Variants in ADGRV1 observed in about 807,000 individuals in gnomAD.
ADGRV1 encodes adhesion G protein-coupled receptor V1, also known as G-protein coupled receptor 98.
ADGRV1 carries 359 observed loss-of-function variants against 596.2 expected under a neutral mutation model. The ratio of observed to expected loss-of-function variants is 0.60; its 90% CI spans 0.55 to 0.66. The LOEUF is 0.66. ADGRV1 is among the 30% of genes least tolerant of loss of function. The pLI is 0.00. For synonymous variants in ADGRV1, 2,681 were observed against 2,679.2 expected (o/e 1.00, Z -0.02); for missense variants, 7,274 against 7,575.6 (o/e 0.96, Z 1.48).
At chr5:90,849,454 G>A (rs1342430037) in intron 79 of ADGRV1, among the ~76,000 whole-genome samples, 2 of 152,060 alleles carry the variant, frequency 1.3e-5, no homozygotes, top group Admixed American at 1.3e-4. Context: ...CAATGGCGGG[G>A]TCTCGGCTCA....
At chr5:90,937,651 G>T (rs888974398) in intron 83 of ADGRV1, among the ~76,000 whole-genome samples, 2 of 152,016 alleles carry the variant, frequency 1.3e-5, no homozygotes, top group African/African-American at 4.8e-5. Flanking sequence ...TAGAGACGGG[G>T]TTTCACCGTG....
At chr5:90,952,048 T>C (rs959396227) in intron 83 of ADGRV1, among the ~76,000 whole-genome samples, 1 of 152,220 alleles carries the variant, frequency 6.6e-6, no homozygotes, top group African/African-American at 2.4e-5. Context: ...TTTCTACAGA[T>C]GTAAAATAAA....
chr5:90,598,971 T>A (rs1761056398), intron 1 of ADGRV1, among the ~76,000 whole-genome samples: 1 of 151,918 alleles, frequency 6.6e-6, no homozygotes, highest in Admixed American at 6.5e-5. Context: ...GAAACACAGT[T>A]TGGGCTGCAT....
chr5:91,060,398 A>ATT (rs1554210690), intron 85 of ADGRV1, among the ~76,000 whole-genome samples: 1,426 of 60,484 alleles, frequency 0.024, 29 homozygotes, highest in African/African-American at 0.059. Context: ...ATATATATAT[A>ATT]TTTTTTTTTT....
intron 89 of ADGRV1, among the ~76,000 whole-genome samples, chr5:91,155,086 G>T (rs932863932): frequency 1.3e-5 from 2 of 152,146 alleles, no homozygotes; most frequent in Non-Finnish European, 2.9e-5. Flanking sequence ...GCTAGATATT[G>T]CTGAATCCTG....
intron 85 of ADGRV1, among the ~76,000 whole-genome samples, chr5:91,014,508 G>C (rs1458615339): frequency 1.3e-5 from 2 of 151,576 alleles, no homozygotes; most frequent in South Asian, 2.1e-4. Flanking sequence ...CAGGTCCTGG[G>C]AGTTTTTTTG....
At chr5:91,094,848 A>AT (rs2126604785) in intron 86 of ADGRV1, among the ~76,000 whole-genome samples, 1 of 152,302 alleles carries the variant, frequency 6.6e-6, no homozygotes, top group African/African-American at 2.4e-5. Flanking sequence ...GAAGATGCAG[A>AT]TTCAGAAAGA....
At chr5:91,005,540 T>A (rs559729415) in intron 85 of ADGRV1, among the ~76,000 whole-genome samples, 1 of 152,124 alleles carries the variant, frequency 6.6e-6, no homozygotes, top group South Asian at 2.1e-4. Flanking sequence ...AGGATTTCAC[T>A]GTGTTGCCCA....
Position 90,694,038 on chromosome 5 carries a change from A to G in ADGRV1, c.7282A>G (p.Asn2428Asp), listed in dbSNP as rs200130423. Reference protein sequence around the residue: ...VPDPLWRTWMNVSAVGEPLYT... With the variant: ...VPDPLWRTWMDVSAVGEPLYT... ...TGACCCACTTTGGAGAACTTGGATGAATGTCTCTGCCGTGGGGGAGCCCCT... is the reference window on the plus strand; with the variant it reads ...TGACCCACTTTGGAGAACTTGGATGGATGTCTCTGCCGTGGGGGAGCCCCT... The change falls in exon 33 of 90, where the codon AAT becomes GAT. Residue 2428 changes from asparagine (N) to aspartate (D), a missense_variant. Transcript: ENST00000405460. 3.7e-5 allele frequency: 60 copies of G among 1,613,770 alleles called. No individual in the cohort carries two copies. Among genetic ancestry groups the G allele is most frequent in the Non-Finnish European group, 4.8e-5 (57 of 1,179,808 alleles).
intron 1 of ADGRV1, among the ~76,000 whole-genome samples, chr5:90,595,188 CTG>C: frequency 1.4e-5 from 1 of 71,404 alleles, no homozygotes; most frequent in South Asian, 5.8e-4. Flanking sequence ...CCCTCCCGGA[CTG>C]GGCGGCTGGC....
At chr5:90,683,527 C>G in intron 27 of ADGRV1, 59 bp from the exon 28 acceptor site, 4 of 1,326,114 alleles carry the variant, frequency 3.0e-6, no homozygotes, top group Non-Finnish European at 4.1e-6. Context: ...ATTTATAAGC[C>G]TCTAAGTAAC....
Position 91,150,137 on chromosome 5 carries a change from CT to C in ADGRV1, c.18545del (p.Phe6182SerfsTer47). ...MNGHPGPSTA[F>X]FTPGSGMPPA... ...ATGGGCATCCTGGACCCAGCACAGC[CT>C]TTTTCACGCCCGGGAGTGGAATGCC... On this transcript the variant is annotated frameshift_variant, in exon 88 of 90. Transcript: ENST00000405460. LOFTEE classifies it high-confidence loss of function. 2.5e-6 allele frequency: 4 copies of C among 1,594,300 alleles called. No homozygotes were observed. Among genetic ancestry groups the C allele is most frequent in the Non-Finnish European group, 2.6e-6 (3 of 1,171,052 alleles).
chr5:90,822,901 G>A (rs1763712422), intron 75 of ADGRV1, among the ~76,000 whole-genome samples: 1 of 152,050 alleles, frequency 6.6e-6, no homozygotes, highest in Non-Finnish European at 1.5e-5. Flanking sequence ...ATTGTGAATG[G>A]GAGTTCACTC....
In ADGRV1 at chr5:90,741,706, A is replaced by C. The variant is rs544373558; in HGVS notation, c.10550-3340A>C. 1.2e-4 allele frequency among the ~76,000 whole-genome samples: 18 copies of C among 152,314 alleles called. No homozygotes were observed. In the East Asian group the frequency reaches 3.5e-3, roughly 29 times the overall value. On this transcript the variant is annotated intron_variant, in intron 50 of 89. Coordinates refer to ENST00000405460, the MANE Select transcript of ADGRV1 (RefSeq NM_032119.4). Reference sequence around the variant, plus strand: ...CTGCCAGAGACTTATTAAAGGACCCATTGTGAGGTCTCTTTATTTCTTTTG... The same window carrying C: ...CTGCCAGAGACTTATTAAAGGACCCCTTGTGAGGTCTCTTTATTTCTTTTG...
chr5:90,973,844 C>T (rs1779295593), intron 84 of ADGRV1, among the ~76,000 whole-genome samples: 1 of 152,148 alleles, frequency 6.6e-6, no homozygotes, highest in African/African-American at 2.4e-5. Context: ...GTTGGAAGTT[C>T]TGGCCAGGGC....
Position 90,788,283 on chromosome 5 carries a change from C to T in ADGRV1, c.13866C>T (p.Asp4622=), listed in dbSNP as rs1393085079. 6.8e-6 allele frequency: 11 copies of T among 1,612,444 alleles called. No individual in the cohort carries two copies. The East Asian group carries it at 2.5e-4, about 36-fold the overall frequency. The change falls in exon 68 of 90, where the codon GAC becomes GAT. Residue 4622 remains aspartate (D), a synonymous_variant. Transcript: ENST00000405460. ...LHLVKGEAKL[D]SRAKDVTLTI... ...TTGTGAAAGGAGAAGCTAAATTAGA[C>T]TCCAGAGCTAAAGATGTTACATTAA...
At chr5:90,672,765 G>A (rs779851019) in intron 22 of ADGRV1, 43 bp downstream of exon 22, 8 of 1,433,050 alleles carry the variant, frequency 5.6e-6, no homozygotes, top group Non-Finnish European at 7.6e-6. Context: ...CTCCTGGAAA[G>A]CTTTTCCTGA....
chr5:90,933,002 C>G (rs1203007991), intron 83 of ADGRV1, among the ~76,000 whole-genome samples: 2 of 152,098 alleles, frequency 1.3e-5, no homozygotes. Flanking sequence ...TATTAGTGAT[C>G]CCGGAATAAT....
chr5:91,101,331 C>T (rs574147486), intron 86 of ADGRV1, among the ~76,000 whole-genome samples: 41 of 152,146 alleles, frequency 2.7e-4, no homozygotes, highest in Non-Finnish European at 3.5e-4. Context: ...CCATAGTGGA[C>T]GAGGATTTTA....
Sources: allele counts gnomAD v4.1 joint callset (sites outside exome capture counted in the v4.1 genomes callset), GRCh38; gene constraint gnomAD v4.1.1; transcripts MANE v1.5; gene names NCBI Gene and HGNC (gene_info 2026-07-23, HGNC 2026-07-21).